Variants in SEM1 observed in about 807,000 individuals in gnomAD.
The protein encoded by SEM1 is SEM1 26S proteasome subunit, also known as 26S proteasome complex subunit SEM1.
SEM1 carries 3 observed loss-of-function variants against 12.7 expected under a neutral mutation model. That is an observed-to-expected ratio of 0.24 (90% confidence interval 0.11 to 0.61). The LOEUF (loss-of-function observed/expected upper bound fraction) is 0.61, where lower values mean the gene tolerates loss of function less well. Among genes scored for constraint, SEM1 ranks in the 20% least tolerant of loss-of-function variants. The pLI, the probability that SEM1 is intolerant of heterozygous loss-of-function variation, is 0.88. For synonymous variants in SEM1, 30 were observed against 27.8 expected (o/e 1.08, Z -0.25); for missense variants, 59 against 81.3 (o/e 0.73, Z 1.06).
At chr7:96,603,980 C>T (rs1036305135) in intron 2 of SEM1, among the ~76,000 whole-genome samples, 1 of 151,510 alleles carries the variant, frequency 6.6e-6, no homozygotes, top group African/African-American at 2.4e-5. Context: ...CACTTCATAA[C>T]AGAATAAAAA....
At chr7:96,636,263 G>A (rs1808421574) in intron 2 of SEM1, among the ~76,000 whole-genome samples, 1 of 152,038 alleles carries the variant, frequency 6.6e-6, no homozygotes, top group Non-Finnish European at 1.5e-5. Context: ...GAAGTCAAAA[G>A]AAGGGCTTAT....
chr7:96,512,185 G>A lies in SEM1; in HGVS notation c.171-5487C>T, dbSNP rs572960676. ...AAGCCCAGGATCACCATTATTTAAG[G>A]CCCATATCAGGAAAATTAATTGAGT... On this transcript the variant is annotated intron_variant and NMD_transcript_variant, in intron 2 of 3. Transcript: ENST00000466986. Among the ~76,000 whole-genome samples the A allele has an allele frequency of 6.6e-5, 10 of 152,072 alleles. No individual in the cohort carries two copies. The East Asian group carries it at 1.9e-3, about 29-fold the overall frequency.
At chr7:96,707,071 T>C (rs1790489899) in intron 1 of SEM1, among the ~76,000 whole-genome samples, 1 of 152,218 alleles carries the variant, frequency 6.6e-6, no homozygotes, top group South Asian at 2.1e-4. Context: ...TTTCAAACTT[T>C]AATGTTTTTT....
At chr7:96,535,509 T>C (rs1804761109) in intron 2 of SEM1, among the ~76,000 whole-genome samples, 1 of 151,898 alleles carries the variant, frequency 6.6e-6, no homozygotes, top group African/African-American at 2.4e-5. Flanking sequence ...TGCAGGTTTG[T>C]TATATAGGCA....
At chr7:96,600,462 A>G (rs1345254364) in intron 2 of SEM1, among the ~76,000 whole-genome samples, 1 of 152,182 alleles carries the variant, frequency 6.6e-6, no homozygotes, top group Non-Finnish European at 1.5e-5. Context: ...AATATCAAGC[A>G]TCTACTATAT....
chr7:96,623,516 A>G (rs1807960889), intron 2 of SEM1, among the ~76,000 whole-genome samples: 2 of 147,884 alleles, frequency 1.4e-5, no homozygotes, highest in African/African-American at 2.4e-5. Context: ...AAATATATCT[A>G]AATATATTCA....
chr7:96,539,263 T>A (rs916499718), intron 2 of SEM1, among the ~76,000 whole-genome samples: 2 of 151,818 alleles, frequency 1.3e-5, no homozygotes, highest in Non-Finnish European at 2.9e-5. Flanking sequence ...AAGCAGAGAA[T>A]CTGGCTAAGC....
chr7:96,487,378 G>A (rs1802817523), intron 1 of SEM1, among the ~76,000 whole-genome samples: 1 of 149,972 alleles, frequency 6.7e-6, no homozygotes, highest in Non-Finnish European at 1.5e-5. Flanking sequence ...AAGTGTTGAT[G>A]TTTTGATCAG....
intron 3 of SEM1, chr7:96,503,482 C>T (rs966305803): frequency 2.6e-5 from 4 of 152,110 alleles, no homozygotes; most frequent in Admixed American, 6.6e-5. Context: ...GGAAAACTCA[C>T]CACTTTTGTT....
chr7:96,518,211 G>C (rs1804157638), intron 2 of SEM1, among the ~76,000 whole-genome samples: 1 of 152,110 alleles, frequency 6.6e-6, no homozygotes, highest in Non-Finnish European at 1.5e-5. Flanking sequence ...ATAGTGTTGA[G>C]GGAAAGTCAC....
chr7:96,502,012 G>A (rs916337568), intron 3 of SEM1, among the ~76,000 whole-genome samples: 1 of 152,050 alleles, frequency 6.6e-6, no homozygotes, highest in Admixed American at 6.6e-5. Flanking sequence ...ATTTACTTAG[G>A]ATAATGGCCT....
At chr7:96,702,253 C>CAT (rs1790296308) in intron 1 of SEM1, among the ~76,000 whole-genome samples, 1 of 147,254 alleles carries the variant, frequency 6.8e-6, no homozygotes, top group African/African-American at 2.7e-5. Context: ...TTTATACATA[C>CAT]ACACACACAC....
At chr7:96,564,862 A>G (rs927647712) in intron 2 of SEM1, among the ~76,000 whole-genome samples, 2 of 152,044 alleles carry the variant, frequency 1.3e-5, no homozygotes, top group Non-Finnish European at 2.9e-5. Flanking sequence ...TCTATTTTTC[A>G]TCCTTATTGT....
chr7:96,677,490 T>C (rs1465399394), intron 2 of SEM1, among the ~76,000 whole-genome samples: 2 of 152,054 alleles, frequency 1.3e-5, no homozygotes, highest in East Asian at 3.9e-4. Flanking sequence ...TCATTTAGGG[T>C]TAATTGGTTG....
At chr7:96,486,165 C>CA (rs1802748007) in intron 2 of SEM1, 1 of 1,160,282 alleles carries the variant, frequency 8.6e-7, no homozygotes, top group Non-Finnish European at 1.2e-6. Context: ...TTTTTTCTAC[C>CA]TTTTTTTTTT....
intron 3 of SEM1, among the ~76,000 whole-genome samples, chr7:96,504,270 C>G (rs910355075): frequency 2.0e-5 from 3 of 152,032 alleles, no homozygotes; most frequent in Non-Finnish European, 4.4e-5. Context: ...TAAAGTGACC[C>G]CTTTTCTTAC....
Position 96,709,788 on chromosome 7 carries a change from CCCAGATAA to C in SEM1, c.-33_-26del. The C allele has an allele frequency of 6.2e-7, 1 of 1,611,776 alleles. No individual in the cohort carries two copies. The highest frequency in any genetic ancestry group is 1.1e-5 in the South Asian group (1 of 90,996). On this transcript the variant is annotated 5_prime_UTR_variant, in exon 1 of 3. Transcript: ENST00000248566. Reference sequence around the variant, plus strand: ...TCTCGACTGTCCGCGCCCAACACCTCCCAGATAAGCAGAAAAGTTGGAACCCTCACTCT... The same window carrying C: ...TCTCGACTGTCCGCGCCCAACACCTCGCAGAAAAGTTGGAACCCTCACTCT...
chr7:96,523,522 C>T (rs758156845), intron 2 of SEM1, among the ~76,000 whole-genome samples: 1 of 152,110 alleles, frequency 6.6e-6, no homozygotes, highest in Non-Finnish European at 1.5e-5. Context: ...CGTAAATCAG[C>T]ATATTTCTTG....
At chr7:96,565,787 T>G (rs576462608) in intron 2 of SEM1, among the ~76,000 whole-genome samples, 133 of 151,978 alleles carry the variant, frequency 8.8e-4, no homozygotes, top group African/African-American at 2.7e-3. Flanking sequence ...TTGCTTCCTA[T>G]CTCTATTAGT....
Sources: gnomAD v4.1 joint callset for allele counts (sites outside exome capture counted in the v4.1 genomes callset) on GRCh38, gnomAD v4.1.1 for gene constraint, MANE v1.5 for transcripts, NCBI Gene and HGNC (gene_info 2026-07-23, HGNC 2026-07-21) for gene names.